Variants in CCDC171 observed in about 807,000 individuals in gnomAD.
CCDC171 encodes the protein coiled-coil domain containing 171.
Under a neutral mutation model 168.2 loss-of-function variants are expected in CCDC171, and 177 were observed. The ratio of observed to expected loss-of-function variants is 1.05; its 90% CI spans 0.93 to 1.19. CCDC171 has a LOEUF of 1.19. Ranked by LOEUF, CCDC171 falls within the 50% of genes most tolerant of loss-of-function variation. The pLI, the probability that CCDC171 is intolerant of heterozygous loss-of-function variation, is 0.00. For missense variants in CCDC171, 1,991 were observed against 1,539.0 expected (o/e 1.29, Z -4.91); for synonymous variants, 687 against 540.8 (o/e 1.27, Z -3.75).
intron 18 of CCDC171, 78 bp downstream of exon 18, chr9:15,745,709 A>G: frequency 5.2e-6 from 4 of 775,752 alleles, no homozygotes; most frequent in Non-Finnish European, 8.1e-6. Context: ...CACAAATTCT[A>G]ATAAAACATA....
chr9:15,671,020 A>G (rs954073855), intron 9 of CCDC171, among the ~76,000 whole-genome samples: 1 of 152,156 alleles, frequency 6.6e-6, no homozygotes, highest in South Asian at 2.1e-4. Context: ...TATGCTGAGT[A>G]GTTCGAGGCT....
chr9:15,648,481 T>C (rs1483083579), intron 7 of CCDC171, among the ~76,000 whole-genome samples: 4 of 152,192 alleles, frequency 2.6e-5, no homozygotes, highest in Non-Finnish European at 5.9e-5. Flanking sequence ...GATGACATGA[T>C]TGTATATTTA....
At chr9:15,906,039 C>G (rs1166652664) in intron 24 of CCDC171, among the ~76,000 whole-genome samples, 1 of 152,026 alleles carries the variant, frequency 6.6e-6, no homozygotes, top group Non-Finnish European at 1.5e-5. Context: ...TATTAGCTTA[C>G]CAACCAAAAA....
intron 21 of CCDC171, among the ~76,000 whole-genome samples, chr9:15,818,530 C>G (rs562601560): frequency 8.5e-6 from 1 of 118,034 alleles, no homozygotes; most frequent in East Asian, 2.1e-4. Flanking sequence ...AACCACGGCA[C>G]GAGAACTACG....
At chr9:15,773,084 C>T (rs1588415807) in intron 18 of CCDC171, among the ~76,000 whole-genome samples, 1 of 151,628 alleles carries the variant, frequency 6.6e-6, no homozygotes, top group East Asian at 1.9e-4. Context: ...TAATTATTAC[C>T]TTTTTTGGTT....
upstream of CCDC171, among the ~76,000 whole-genome samples, chr9:16,040,021 G>A (rs1833547520): frequency 6.6e-6 from 1 of 152,190 alleles, no homozygotes; most frequent in Non-Finnish European, 1.5e-5. Flanking sequence ...GAACCTTTCA[G>A]AATCTCAGTT....
chr9:15,716,442 C>T (rs891414138), intron 11 of CCDC171, among the ~76,000 whole-genome samples: 6 of 151,706 alleles, frequency 4.0e-5, no homozygotes, highest in Non-Finnish European at 8.8e-5. Flanking sequence ...ATAAGGTCCT[C>T]GGTTTAGGGT....
intron 7 of CCDC171, among the ~76,000 whole-genome samples, chr9:15,631,436 T>C (rs551220123): frequency 6.6e-6 from 1 of 152,290 alleles, no homozygotes; most frequent in East Asian, 1.9e-4. Flanking sequence ...AATTGATAGA[T>C]TCTTGGACAC....
intron 21 of CCDC171, among the ~76,000 whole-genome samples, chr9:15,832,665 A>G (rs1406772513): frequency 6.6e-6 from 1 of 152,186 alleles, no homozygotes; most frequent in African/African-American, 2.4e-5. Context: ...GCTCTGAGTG[A>G]CTCAGTGAAT....
At chr9:15,628,101 G>A (rs866062429) in intron 7 of CCDC171, among the ~76,000 whole-genome samples, 72 of 152,266 alleles carry the variant, frequency 4.7e-4, no homozygotes, top group Middle Eastern at 3.4e-3. Context: ...CGTGAGCGAC[G>A]CAGAAGACGG....
chr9:15,600,469 A>T (rs569160026), intron 6 of CCDC171, among the ~76,000 whole-genome samples: 4 of 152,156 alleles, frequency 2.6e-5, no homozygotes, highest in African/African-American at 9.7e-5. Flanking sequence ...TGAACAGCCA[A>T]TGTTGCTGCC....
chr9:15,778,798 A>T (rs2057492676), intron 19 of CCDC171, among the ~76,000 whole-genome samples, 170 bp from the exon 20 acceptor site: 1 of 152,178 alleles, frequency 6.6e-6, no homozygotes, highest in African/African-American at 2.4e-5. Context: ...CATTTTTCAT[A>T]AGCCAAATTA....
chr9:16,102,512 G>C, the CCDC171 span, among the ~76,000 whole-genome samples: 1 of 120,640 alleles, frequency 8.3e-6, no homozygotes, highest in African/African-American at 3.1e-5. Context: ...GGTGGGGGCA[G>C]GGGGGAGGGT....
rs773887504 is a variant in CCDC171, at chr9:16,054,107, A to C, written n.90-6539A>C. On this transcript the variant is annotated intron_variant and non_coding_transcript_variant, in intron 1 of 1. Coordinates refer to the CCDC171 transcript ENST00000478913. Reference sequence around the variant, plus strand: ...CTTTTAAAAGTGGGCTCATGAGGCCACGTATTTGAGTGCGTGGAAAGATAT... The same window carrying C: ...CTTTTAAAAGTGGGCTCATGAGGCCCCGTATTTGAGTGCGTGGAAAGATAT... 6.6e-5 allele frequency among the ~76,000 whole-genome samples: 10 copies of C among 152,034 alleles called. No homozygotes were observed. In the South Asian group the frequency reaches 8.3e-4, roughly 13 times the overall value.
intron 20 of CCDC171, among the ~76,000 whole-genome samples, chr9:15,780,101 T>C (rs578153360): frequency 3.3e-5 from 5 of 152,322 alleles, no homozygotes; most frequent in African/African-American, 1.2e-4. Context: ...AGTAGTTTAG[T>C]TATTAATCCT....
Position 15,806,473 on chromosome 9 carries a change from T to G in CCDC171, c.3267+21779T>G, listed in dbSNP as rs143764433. ...GCATTTGCTTGTCTGAAAAGAATCTTATTTCTCCTTCGCTTATGAAGCATA... is the reference window on the plus strand; with the variant it reads ...GCATTTGCTTGTCTGAAAAGAATCTGATTTCTCCTTCGCTTATGAAGCATA... On this transcript the variant is annotated intron_variant, in intron 21 of 25. Transcript: ENST00000380701. Among the ~76,000 whole-genome samples, 33 of 152,298 alleles carry G rather than the reference T, an allele frequency of 2.2e-4. No homozygotes were observed. The East Asian group carries it at 6.0e-3, about 28-fold the overall frequency.
chr9:15,608,061 G>C (rs2043351208), intron 6 of CCDC171, among the ~76,000 whole-genome samples: 1 of 152,178 alleles, frequency 6.6e-6, no homozygotes, highest in Non-Finnish European at 1.5e-5. Context: ...ATTGCATGCT[G>C]GTGGGCTGAG....
intron 21 of CCDC171, among the ~76,000 whole-genome samples, chr9:15,810,691 C>T (rs1031303833): frequency 1.3e-5 from 2 of 152,196 alleles, no homozygotes; most frequent in Non-Finnish European, 2.9e-5. Context: ...CGGCTGGCTG[C>T]TCCGAGTGCG....
intron 25 of CCDC171, among the ~76,000 whole-genome samples, chr9:15,944,391 G>C (rs1406112046): frequency 6.6e-6 from 1 of 151,950 alleles, no homozygotes; most frequent in African/African-American, 2.4e-5. Context: ...TGAGCCAGAG[G>C]GTTGCTAAAA....
Sources: gnomAD v4.1 joint callset for allele counts (sites outside exome capture counted in the v4.1 genomes callset) on GRCh38, gnomAD v4.1.1 for gene constraint, MANE v1.5 for transcripts, NCBI Gene and HGNC (gene_info 2026-07-23, HGNC 2026-07-21) for gene names.